The following FAM13C variants were observed in gnomAD, a reference collection of about 807,000 sequenced individuals.
FAM13C encodes family with sequence similarity 13 member C.
In FAM13C, 37 loss-of-function variants were observed where a neutral mutation model predicts 73.2. That is an observed-to-expected ratio of 0.51 (90% CI 0.39 to 0.67). The LOEUF (loss-of-function observed/expected upper bound fraction) is 0.67, where lower values mean the gene tolerates loss of function less well. Ranked by LOEUF, FAM13C falls within the 30% of genes least tolerant of loss-of-function variation. The pLI is 0.00. For synonymous variants in FAM13C, 246 were observed against 260.9 expected, an observed-to-expected ratio of 0.94 and a Z score of 0.55; for missense variants, 589 against 715.6, an observed-to-expected ratio of 0.82 and a Z score of 2.02.
intron 3 of FAM13C, among the ~76,000 whole-genome samples, chr10:59,340,046 C>T (rs147536879): frequency 1.2e-3 from 190 of 152,288 alleles, no homozygotes; most frequent in African/African-American, 4.4e-3. Context: ...AATAAACCAA[C>T]TTCGAAAGTA....
rs188225300 is a variant in FAM13C at position 59,310,160 on chromosome 10, C to G, written c.444-7296G>C. Among the ~76,000 whole-genome samples the G allele has an allele frequency of 2.6e-4, 40 of 152,298 alleles. No homozygotes were observed. The East Asian group carries it at 7.5e-3, about 29-fold the overall frequency. On this transcript the variant is annotated intron_variant, in intron 4 of 13. Coordinates refer to ENST00000618804, the MANE Select transcript of FAM13C (RefSeq NM_198215.4). Reference sequence around the variant, plus strand: ...GAGCCTTAGAACTGAGCAGTGCTGACTCCCATCACATCTTCAGAATTCAGG... The same window carrying G: ...GAGCCTTAGAACTGAGCAGTGCTGAGTCCCATCACATCTTCAGAATTCAGG...
At chr10:59,290,634 A>G (rs1413048121) in intron 5 of FAM13C, among the ~76,000 whole-genome samples, 1 of 152,006 alleles carries the variant, frequency 6.6e-6, no homozygotes, top group Non-Finnish European at 1.5e-5. Flanking sequence ...TGATTATCTT[A>G]TCTCAGCAGG....
intron 10 of FAM13C, among the ~76,000 whole-genome samples, chr10:59,258,853 A>G (rs1429441729): frequency 1.3e-5 from 2 of 152,148 alleles, no homozygotes; most frequent in African/African-American, 4.8e-5. Context: ...TTTTTTCCAG[A>G]TAAAATGTAT....
Position 59,262,568 on chromosome 10 carries a change from T to C in FAM13C, c.1102A>G (p.Thr368Ala), listed in dbSNP as rs1482855719. 1 of 1,613,810 alleles carries C rather than the reference T, an allele frequency of 6.2e-7. No homozygotes were observed. The highest frequency in any genetic ancestry group is 2.2e-5 in the East Asian group (1 of 44,868). The change falls in exon 10 of 14, where the codon ACA (threonine) becomes GCA (alanine). Residue 368 changes from threonine (T) to alanine (A), a missense_variant. Coordinates refer to ENST00000618804, the MANE Select transcript of FAM13C (RefSeq NM_198215.4). The stretch of plus-strand genomic sequence containing the variant: ...GGTTTCCCATTTTCTCTGGGGACTG[T>C]GGGTTGCTCACACAACAGGTTTCTA... ...PPRNLLCEQP[T>A]VPRENGKPEA...
At chr10:59,297,475 C>A (rs963142423) in intron 5 of FAM13C, among the ~76,000 whole-genome samples, 1 of 152,210 alleles carries the variant, frequency 6.6e-6, no homozygotes, top group Non-Finnish European at 1.5e-5. Flanking sequence ...AAAGACAACA[C>A]CATCCTTTCC....
rs916752688 is a variant in FAM13C, at chr10:59,275,609, C to T, written c.593-5500G>A. ...GTTCAGTTTTTTTGTAAACCTAAAA[C>T]TGTTCTGAAAAATAAAGTCTATTAA... On this transcript the variant is annotated intron_variant, in intron 6 of 13. Transcript: ENST00000618804. 5.3e-5 allele frequency among the ~76,000 whole-genome samples: 8 copies of T among 152,272 alleles called. 1 individual carries two copies. In the South Asian group the frequency reaches 1.7e-3, roughly 32 times the overall value.
At position 59,262,569 on chromosome 10, in the gene FAM13C, G is replaced by A; in HGVS notation, c.1101C>T (p.Pro367=). 1 of 1,613,722 alleles carries A rather than the reference G, an allele frequency of 6.2e-7. No individual in the cohort carries two copies. The highest frequency in any genetic ancestry group is 8.5e-7 in the Non-Finnish European group (1 of 1,179,766). Residue 367 remains proline (P), a synonymous_variant, in exon 10 of 14, where the codon CCC becomes CCT. Transcript: ENST00000618804. ...GPPRNLLCEQ[P]TVPRENGKPE... is the part of the protein sequence containing the mutation. ...GTTTCCCATTTTCTCTGGGGACTGTGGGTTGCTCACACAACAGGTTTCTAG... is the reference window on the plus strand; with the variant it reads ...GTTTCCCATTTTCTCTGGGGACTGTAGGTTGCTCACACAACAGGTTTCTAG...
intron 5 of FAM13C, among the ~76,000 whole-genome samples, chr10:59,297,876 G>T (rs1327346280): frequency 6.8e-6 from 1 of 147,274 alleles, no homozygotes; most frequent in Non-Finnish European, 1.5e-5. Flanking sequence ...ACAGACACCT[G>T]TCTCTATGGT....
chr10:59,261,242 C>T (rs1842474449), intron 10 of FAM13C, among the ~76,000 whole-genome samples: 1 of 152,020 alleles, frequency 6.6e-6, no homozygotes, highest in Admixed American at 6.6e-5. Flanking sequence ...TGGATGAAAC[C>T]TTCTCTTCAC....
chr10:59,349,883 T>A (rs1013389817), intron 3 of FAM13C, among the ~76,000 whole-genome samples: 4 of 152,244 alleles, frequency 2.6e-5, no homozygotes, highest in Admixed American at 2.6e-4. Flanking sequence ...CTCTCTATAC[T>A]TCAACTATCT....
At chr10:59,274,721 T>C (rs1844132674) in intron 6 of FAM13C, among the ~76,000 whole-genome samples, 1 of 152,200 alleles carries the variant, frequency 6.6e-6, no homozygotes, top group African/African-American at 2.4e-5. Flanking sequence ...TCTCTCAATC[T>C]CATTGAATTT....
In FAM13C at chr10:59,268,571, T is replaced by C. The variant is rs758795169; in HGVS notation, c.924A>G (p.Glu308=). 8.1e-6 allele frequency: 13 copies of C among 1,613,860 alleles called. 1 individual carries two copies. In the South Asian group the frequency reaches 1.4e-4, roughly 18 times the overall value. ...TTCTTACCCGGTATTTCTTTTCTTG[T>C]TCAAATTTTTCTTCAAATTTCCGAA... ...RKIRKFEEKF[E]QEKKYRPSHG... Residue 308 remains glutamate (E), a synonymous_variant, in exon 8 of 14, where the codon GAA becomes GAG. Transcript: ENST00000618804.
At chr10:59,359,829 G>A (rs1387750483) in intron 1 of FAM13C, among the ~76,000 whole-genome samples, 1 of 152,230 alleles carries the variant, frequency 6.6e-6, no homozygotes, top group Non-Finnish European at 1.5e-5. Flanking sequence ...TTCCCCAGTT[G>A]ATATTGATGA....
chr10:59,287,274 T>C (rs1461014256), intron 5 of FAM13C, among the ~76,000 whole-genome samples: 4 of 128,626 alleles, frequency 3.1e-5, no homozygotes, highest in African/African-American at 9.1e-5. Context: ...GAGGTGGAGG[T>C]TGCAGTGAGT....
At chr10:59,261,237 G>A (rs1564488007) in intron 10 of FAM13C, among the ~76,000 whole-genome samples, 1 of 152,142 alleles carries the variant, frequency 6.6e-6, no homozygotes, top group Admixed American at 6.6e-5. Context: ...CTGAGTGGAT[G>A]AAACCTTCTC....
chr10:59,351,640 G>A (rs181907075), intron 3 of FAM13C, among the ~76,000 whole-genome samples: 7 of 152,252 alleles, frequency 4.6e-5, no homozygotes, highest in African/African-American at 1.4e-4. Flanking sequence ...CATCCTGGAT[G>A]AATGACAACA....
At chr10:59,360,721 G>C (rs978824515) in intron 1 of FAM13C, among the ~76,000 whole-genome samples, 1 of 151,912 alleles carries the variant, frequency 6.6e-6, no homozygotes, top group Non-Finnish European at 1.5e-5. Context: ...TTATCTCTCA[G>C]TGCCTTTTAA....
In FAM13C at chr10:59,321,934, A is replaced by G. The variant is rs147266101; in HGVS notation, c.443+2054T>C. On this transcript the variant is annotated intron_variant, in intron 4 of 13. Transcript: ENST00000618804. ...GCATTCTCCCCAGCCCACTGCCCCA[A>G]AGAAGGTGGTATTTTACAACTGCTG... 1.6e-3 allele frequency among the ~76,000 whole-genome samples: 241 copies of G among 152,176 alleles called. 2 individuals carry two copies. The highest frequency in any genetic ancestry group is 5.3e-3 in the African/African-American group (222 of 41,512).
intron 11 of FAM13C, 144 bp downstream of exon 11, chr10:59,254,204 A>C (rs945944294): frequency 6.7e-5 from 32 of 476,820 alleles, no homozygotes; most frequent in Non-Finnish European, 1.1e-4. Context: ...GAGAAGACCA[A>C]ATTTTCACTT....
Sources: allele counts gnomAD v4.1 joint callset (sites outside exome capture counted in the v4.1 genomes callset), GRCh38; gene constraint gnomAD v4.1.1; transcripts MANE v1.5; gene names NCBI Gene and HGNC (gene_info 2026-07-23, HGNC 2026-07-21).